Variants in RAB3IL1 observed in about 807,000 individuals in gnomAD.
RAB3IL1 encodes the protein RAB3A interacting protein like 1, also known as guanine nucleotide exchange factor for Rab-3A.
RAB3IL1 carries 37 observed loss-of-function variants against 49.2 expected under a neutral mutation model. That is an observed-to-expected ratio of 0.75 (90% confidence interval 0.58 to 0.99). The LOEUF is 0.99. Among genes scored for constraint, RAB3IL1 ranks in the 50% least tolerant of loss-of-function variants. RAB3IL1 has a pLI of 0.00. For missense variants in RAB3IL1, 484 were observed against 513.0 expected, an observed-to-expected ratio of 0.94 and a Z score of 0.55; for synonymous variants, 193 against 213.9, an observed-to-expected ratio of 0.90 and a Z score of 0.85.
At chr11:61,907,987 G>C (rs1664999406) in intron 2 of RAB3IL1, 67 bp downstream of exon 2, 1 of 1,540,084 alleles carries the variant, frequency 6.5e-7, no homozygotes, top group African/African-American at 1.4e-5. Flanking sequence ...CACCTGATGA[G>C]AGCCCACAGC....
chr11:61,907,680 C>G lies in RAB3IL1; in HGVS notation c.265-20G>C, dbSNP rs538979858. 6 of 1,611,016 alleles carry G rather than the reference C, an allele frequency of 3.7e-6. No homozygotes were observed. Among genetic ancestry groups the G allele is most frequent in the Non-Finnish European group, 5.1e-6 (6 of 1,177,684 alleles). ...CAGCTCCTGGAGGAAAAGAGGCAGG[C>G]ACTTGAGCACCTCAGCATCCCCAGG... On this transcript the variant is annotated intron_variant, in intron 2 of 9. Transcript: ENST00000394836.
At chr11:61,937,051 T>C in the RAB3IL1 span, among the ~76,000 whole-genome samples, 2 of 152,260 alleles carry the variant, frequency 1.3e-5, no homozygotes, top group South Asian at 4.1e-4. Context: ...TAAATATACA[T>C]AGATAAATAT....
chr11:61,909,698 A>T (rs1190608775), intron 1 of RAB3IL1, among the ~76,000 whole-genome samples: 1 of 152,248 alleles, frequency 6.6e-6, no homozygotes, highest in African/African-American at 2.4e-5. Context: ...CTTGTTGGCA[A>T]GGGTTCCCCG....
chr11:61,926,047 A>G, the RAB3IL1 span, among the ~76,000 whole-genome samples: 2 of 150,876 alleles, frequency 1.3e-5, no homozygotes, highest in South Asian at 2.1e-4. Flanking sequence ...CTTAACAGAA[A>G]AAGATCAATA....
intron 4 of RAB3IL1, among the ~76,000 whole-genome samples, chr11:61,907,187 G>C (rs534041201): frequency 3.3e-5 from 5 of 152,370 alleles, no homozygotes; most frequent in Admixed American, 6.5e-5. Flanking sequence ...CCATGCAGCA[G>C]AATCACTGAT....
the RAB3IL1 span, among the ~76,000 whole-genome samples, chr11:61,944,770 C>T: frequency 0.76 from 114,956 of 152,082 alleles, 45,566 homozygotes; most frequent in Non-Finnish European, 0.89. Flanking sequence ...AATCTTGGCT[C>T]ACTGCAACCT....
Position 61,898,812 on chromosome 11 carries a change from C to A in RAB3IL1, c.1067-452G>T. The A allele has an allele frequency of 2.1e-6, 1 of 468,616 alleles. No individual in the cohort carries two copies. The highest frequency in any genetic ancestry group is 1.5e-5 in the South Asian group (1 of 64,670). 29.0% of individuals were successfully genotyped at this position (468,616 alleles called of 1,614,324 possible). On this transcript the variant is annotated intron_variant, in intron 9 of 9. Coordinates refer to ENST00000394836, the MANE Select transcript of RAB3IL1 (RefSeq NM_013401.4). This position sits in a 1 kb window ranked among gnomAD's most constrained non-coding sequence, Gnocchi z 5.1. ...GCCTTGGCCTCCAAGAGGACTTGAC[C>A]CCCAGGATGGAGAGGAGATAGCTCC...
chr11:61,908,067 T>C lies in RAB3IL1; in HGVS notation c.251A>G (p.His84Arg), dbSNP rs749940161. 6.2e-6 allele frequency: 10 copies of C among 1,611,306 alleles called. No individual in the cohort carries two copies. Among genetic ancestry groups the C allele is most frequent in the East Asian group, 2.2e-5 (1 of 44,830 alleles). ...KGSEFLKEEL[H>R]RAQKELKLKD... ...GCAGGCACCCACCTTCTGCGCTCTG[T>C]GCAGCTCCTCCTTCAGGAACTCGGA... Residue 84 changes from histidine (H) to arginine (R), a missense_variant, in exon 2 of 10, where the codon CAC (histidine) becomes CGC (arginine). Physicochemically the swap from His to Arg is conservative, Grantham distance 29 (BLOSUM62 0). Transcript: ENST00000394836.
chr11:61,935,850 A>G, the RAB3IL1 span, among the ~76,000 whole-genome samples: 3 of 152,168 alleles, frequency 2.0e-5, no homozygotes, highest in African/African-American at 7.2e-5. Flanking sequence ...AAAGACCTAA[A>G]GGAAACCATG....
At chr11:61,920,259 C>T (rs934871161), upstream of RAB3IL1, 1 of 1,235,364 alleles carries the variant, frequency 8.1e-7, no homozygotes, top group Non-Finnish European at 1.0e-6. Context: ...GAGCCTTCTT[C>T]CCCCCACCAG....
Position 61,906,782 on chromosome 11 carries a change from G to A in RAB3IL1, c.439-98C>T. On this transcript the variant is annotated intron_variant, in intron 4 of 9. Coordinates refer to ENST00000394836, the MANE Select transcript of RAB3IL1 (RefSeq NM_013401.4). This position sits in a 1 kb window ranked among gnomAD's most constrained non-coding sequence, Gnocchi z 4.6. ...TAACTCAGGACAATGCACCCCTGCA[G>A]TGACAGGCACTTAGTCCCACCCGAC... 1 of 1,168,254 alleles carries A rather than the reference G, an allele frequency of 8.6e-7. No individual in the cohort carries two copies. The highest frequency in any genetic ancestry group is 1.3e-5 in the South Asian group (1 of 76,614). 72.4% of individuals were successfully genotyped at this position (1,168,254 alleles called of 1,614,324 possible). A position where few individuals can be genotyped will look rare whatever the true frequency, so the allele number is the denominator to read the frequency against.
the RAB3IL1 span, among the ~76,000 whole-genome samples, chr11:61,934,961 TC>T: frequency 6.6e-6 from 1 of 151,812 alleles, no homozygotes; most frequent in Non-Finnish European, 1.5e-5. Context: ...AACAAAAAAA[TC>T]CCAACAAGTA....
At chr11:61,928,375 C>T in the RAB3IL1 span, among the ~76,000 whole-genome samples, 1 of 152,002 alleles carries the variant, frequency 6.6e-6, no homozygotes, top group Admixed American at 6.6e-5. Flanking sequence ...CTAGGACCCT[C>T]AAAATACATG....
chr11:61,941,641 A>T, the RAB3IL1 span, among the ~76,000 whole-genome samples: 1 of 152,134 alleles, frequency 6.6e-6, no homozygotes, highest in African/African-American at 2.4e-5. Context: ...AGTCCCAGCT[A>T]CTCGGGAAGC....
chr11:61,899,734 A>T, intron 8 of RAB3IL1: 1 of 263,472 alleles, frequency 3.8e-6, no homozygotes, highest in Non-Finnish European at 7.6e-6. Context: ...CTGTGAGATG[A>T]ACCGGGCAGG....
At chr11:61,920,593 C>T (rs1939880063), upstream of RAB3IL1, among the ~76,000 whole-genome samples, 1 of 152,240 alleles carries the variant, frequency 6.6e-6, no homozygotes, top group South Asian at 2.1e-4. Flanking sequence ...TAGACAGGCC[C>T]TCCTGCCTGT....
At chr11:61,922,711 G>A (rs2727258), upstream of RAB3IL1, among the ~76,000 whole-genome samples, 44,796 of 148,312 alleles carry the variant, frequency 0.3, 8,752 homozygotes, top group Middle Eastern at 0.52. Context: ...ACCCTGCCCC[G>A]CCCCGCCCAG....
At position 61,908,117 on chromosome 11, in the gene RAB3IL1, A is replaced by G; in HGVS notation, c.201T>C (p.Ser67=). 6.2e-7 allele frequency: 1 copy of G among 1,608,534 alleles called. No individual in the cohort carries two copies. The highest frequency in any genetic ancestry group is 2.2e-5 in the East Asian group (1 of 44,580). ...AGCCCTTCTCTCGGATCTCCATGGA[A>G]GAGCTGCGCAGGCGCAACACGTCCA... ...AQLDVLRLRS[S]SMEIREKGSE... The change falls in exon 2 of 10, where the codon TCT becomes TCC. Residue 67 remains serine (S), a synonymous_variant. Transcript: ENST00000394836.
At chr11:61,905,242 C>T (rs1000446613) in intron 5 of RAB3IL1, among the ~76,000 whole-genome samples, 4 of 152,186 alleles carry the variant, frequency 2.6e-5, no homozygotes, top group Non-Finnish European at 5.9e-5. Context: ...GGTACACAAG[C>T]ACACACAAGC....
Sources: allele counts gnomAD v4.1 joint callset (sites outside exome capture counted in the v4.1 genomes callset), GRCh38; gene constraint gnomAD v4.1.1; non-coding constraint Gnocchi (gnomAD v3.1); transcripts MANE v1.5; gene names NCBI Gene and HGNC (gene_info 2026-07-23, HGNC 2026-07-21).